TNR: variants seen among roughly 807,000 people sequenced by gnomAD.
TNR encodes the protein tenascin R.
Under a neutral mutation model 150.4 loss-of-function variants are expected in TNR, and 45 were observed. The ratio of observed to expected loss-of-function variants is 0.30; its 90% CI spans 0.24 to 0.38. The LOEUF (loss-of-function observed/expected upper bound fraction) is 0.38, where lower values mean the gene tolerates loss of function less well. Among genes scored for constraint, TNR ranks in the 10% least tolerant of loss-of-function variants. TNR has a pLI of 1.00. For missense variants in TNR, 1,544 were observed against 1,759.1 expected (o/e 0.88, Z 2.19); for synonymous variants, 687 against 678.4 (o/e 1.01, Z -0.20).
intron 1 of TNR, among the ~76,000 whole-genome samples, chr1:175,635,202 A>G (rs755631727): frequency 6.6e-6 from 1 of 152,262 alleles, no homozygotes; most frequent in African/African-American, 2.4e-5. Flanking sequence ...GCCAGCTCTG[A>G]CTTAGAAGCT....
intron 1 of TNR, among the ~76,000 whole-genome samples, chr1:175,639,029 T>C (rs1354648313): frequency 6.6e-6 from 1 of 152,188 alleles, no homozygotes; most frequent in Non-Finnish European, 1.5e-5. Flanking sequence ...ATCTTCAGAA[T>C]ATATTCAAGA....
At chr1:175,530,966 A>G (rs922742641) in intron 1 of TNR, among the ~76,000 whole-genome samples, 2 of 152,228 alleles carry the variant, frequency 1.3e-5, no homozygotes, top group African/African-American at 4.8e-5. Context: ...CACCAGGAAT[A>G]TGAAGAAGAG....
chr1:175,337,496 T>C (rs1231163561), intron 19 of TNR, 32 bp downstream of exon 19: 2 of 1,611,694 alleles, frequency 1.2e-6, no homozygotes, highest in African/African-American at 2.7e-5. Context: ...CTGAGGACGC[T>C]TCTGTGCAAG....
chr1:175,645,773 C>A (rs1176708312), intron 1 of TNR, among the ~76,000 whole-genome samples: 5 of 152,172 alleles, frequency 3.3e-5, no homozygotes, highest in Non-Finnish European at 7.3e-5. Flanking sequence ...TTGTCATATA[C>A]CTTGATCTAA....
At position 175,403,346 on chromosome 1, in the gene TNR, G is replaced by A; in HGVS notation, c.770C>T (p.Thr257Ile). ...CCTCAGTTCCCTGCAGTCCTCGCCAGTGTAGGGCTCTTCACAGACACACTC... is the reference window on the plus strand; with the variant it reads ...CCTCAGTTCCCTGCAGTCCTCGCCAATGTAGGGCTCTTCACAGACACACTC... ...DGECVCEEPY[T>I]GEDCRELRCP... The change falls in exon 4 of 23, where the codon ACT becomes ATT. Residue 257 changes from threonine (T) to isoleucine (I), a missense_variant. This residue lies in a region of TNR where 1,254 missense variants were observed against 1,329.4 expected (regional missense o/e 0.94). Transcript: ENST00000367674. 1.2e-6 allele frequency: 2 copies of A among 1,614,164 alleles called. No individual in the cohort carries two copies. Among genetic ancestry groups the A allele is most frequent in the Non-Finnish European group, 1.7e-6 (2 of 1,180,022 alleles).
At chr1:175,425,529 T>A (rs1654931896) in intron 2 of TNR, among the ~76,000 whole-genome samples, 1 of 152,182 alleles carries the variant, frequency 6.6e-6, no homozygotes, top group South Asian at 2.1e-4. Flanking sequence ...GATATGACTC[T>A]CCTGGGTAAT....
chr1:175,679,707 G>T (rs1665972662), intron 1 of TNR, among the ~76,000 whole-genome samples: 1 of 152,168 alleles, frequency 6.6e-6, no homozygotes, highest in Admixed American at 6.5e-5. Flanking sequence ...CCATGAGAAG[G>T]CCACAGGGGA....
chr1:175,600,688 C>A (rs749616036), intron 1 of TNR, among the ~76,000 whole-genome samples: 12 of 152,228 alleles, frequency 7.9e-5, no homozygotes, highest in Non-Finnish European at 1.5e-4. Flanking sequence ...AAGCTATGCT[C>A]CCTGGCGTAG....
In TNR at chr1:175,370,338, C is replaced by CTTTTTTTTTTTTTTTTTTTTTTTTTT. The variant is rs55795922; in HGVS notation, c.1964-3067_1964-3042dup. ...GAGAACTATTCCTGGATTTTGAGTA[C>CTTTTTTTTTTTTTTTTTTTTTTTTTT]TTTTTTTTTTTTTTTTTTTTTTTTT... On this transcript the variant is annotated intron_variant, in intron 9 of 22. Transcript: ENST00000367674. 5.4e-4 allele frequency among the ~76,000 whole-genome samples: 23 copies of CTTTTTTTTTTTTTTTTTTTTTTTTTT among 42,976 alleles called. 1 individual carries two copies. The highest frequency in any genetic ancestry group is 1.5e-3 in the African/African-American group (18 of 11,804). The allele number at this position is 42,976 out of a possible 152,430, so 28.2% of individuals were successfully genotyped here. A position where few individuals can be genotyped will look rare whatever the true frequency, so the allele number is the denominator to read the frequency against.
chr1:175,701,068 C>A (rs1269881338), intron 1 of TNR, among the ~76,000 whole-genome samples: 1 of 152,228 alleles, frequency 6.6e-6, no homozygotes, highest in Non-Finnish European at 1.5e-5. Context: ...CTTAGCATAT[C>A]ATTTTTGTGC....
chr1:175,330,628 C>G (rs1649694021), intron 20 of TNR: 1 of 158,232 alleles, frequency 6.3e-6, no homozygotes, highest in East Asian at 1.8e-4. Context: ...TGATCGAAAG[C>G]AAGAGGTGAA....
chr1:175,441,155 C>T (rs1483008996), intron 2 of TNR, among the ~76,000 whole-genome samples: 1 of 152,142 alleles, frequency 6.6e-6, no homozygotes, highest in African/African-American at 2.4e-5. Flanking sequence ...TGATGCCTGG[C>T]ACATGGTTGG....
Position 175,339,157 on chromosome 1 carries a change from C to T in TNR, c.3383-1478G>A, listed in dbSNP as rs747240554. Among the ~76,000 whole-genome samples, 3 of 152,292 alleles carry T rather than the reference C, an allele frequency of 2.0e-5. 1 individual carries two copies. In the South Asian group the frequency reaches 6.2e-4, roughly 32 times the overall value. On this transcript the variant is annotated intron_variant, in intron 18 of 22. Transcript: ENST00000367674. The stretch of plus-strand genomic sequence containing the variant: ...AACTGCACTCAGAAAGATTACATGA[C>T]TCAGATTGCTGGAACTCATATTTTC...
chr1:175,406,564 T>C lies in TNR; in HGVS notation c.151A>G (p.Ile51Val). ...QRQSVEEEGG[I>V]ANYNTSSKEQ... ...TTGCTGGATGTGTTGTAGTTGGCAA[T>C]GCCTCCCTCCTCCTCCACTGACTGT... Residue 51 changes from isoleucine to valine, a missense_variant, in exon 3 of 23, where the codon ATT becomes GTT. Around this residue, in one of 2 missense-constraint regions of TNR, gnomAD observed 1,254 missense variants for 1,329.4 expected, o/e 0.94. Coordinates refer to ENST00000367674, the MANE Select transcript of TNR (RefSeq NM_003285.3). 1.2e-6 allele frequency: 2 copies of C among 1,614,200 alleles called. No homozygotes were observed. Among genetic ancestry groups the C allele is most frequent in the Non-Finnish European group, 1.7e-6 (2 of 1,180,024 alleles).
Position 175,403,217 on chromosome 1 carries a change from G to A in TNR, c.899C>T (p.Ala300Val). The change falls in exon 4 of 23, where the codon GCC becomes GTC. Residue 300 changes from alanine to valine, a missense_variant. Physicochemically the swap from Ala to Val is moderately conservative, Grantham distance 64. Coordinates refer to ENST00000367674, the MANE Select transcript of TNR (RefSeq NM_003285.3). ...EDCGQRQCLN[A>V]CSGRGQCEEG... is the part of the protein sequence containing the mutation. ...CTCACATTGTCCTCGCCCACTGCAG[G>A]CATTCAGACACTGCCGCTGGCCGCA... is the stretch of plus-strand genomic sequence containing the variant. 6.2e-7 allele frequency: 1 copy of A among 1,614,038 alleles called. No homozygotes were observed. Among genetic ancestry groups the A allele is most frequent in the Non-Finnish European group, 8.5e-7 (1 of 1,180,010 alleles).
At position 175,379,591 on chromosome 1, in the gene TNR, G is replaced by A; in HGVS notation, c.1924C>T (p.Pro642Ser). The stretch of plus-strand genomic sequence containing the variant: ...CTGGTGGTTGGACCAATGCCCCTGG[G>A]GACCAGTACCTCATGATATTGCTCA... ...AGEQYHEVLVPRGIGPTTRAT... is the reference protein window; with the variant it reads ...AGEQYHEVLVSRGIGPTTRAT... Residue 642 changes from proline (P) to serine (S), a missense_variant, in exon 9 of 23, where the codon CCC becomes TCC. Physicochemically the swap from Pro to Ser is moderately conservative, Grantham distance 74 (BLOSUM62 -1). Transcript: ENST00000367674. The A allele has an allele frequency of 6.2e-7, 1 of 1,613,878 alleles. No individual in the cohort carries two copies. Among genetic ancestry groups the A allele is most frequent in the Non-Finnish European group, 8.5e-7 (1 of 1,179,988 alleles).
intron 20 of TNR, among the ~76,000 whole-genome samples, chr1:175,331,041 C>CTTTCTTTCT (rs1557867462): frequency 2.2e-4 from 17 of 75,916 alleles, no homozygotes; most frequent in African/African-American, 7.3e-4. Context: ...TTCTTTCTTT[C>CTTTCTTTCT]TTTCTTTCTT....
chr1:175,491,024 G>A (rs1437938938), intron 2 of TNR, among the ~76,000 whole-genome samples: 2 of 152,204 alleles, frequency 1.3e-5, no homozygotes, highest in Non-Finnish European at 2.9e-5. Context: ...ATATACCGTG[G>A]AATAATATGT....
intron 1 of TNR, among the ~76,000 whole-genome samples, chr1:175,639,417 G>A (rs1483674551): frequency 6.6e-6 from 1 of 152,162 alleles, no homozygotes; most frequent in African/African-American, 2.4e-5. Context: ...TACCCCTAAG[G>A]AAAATCCACC....
Sources: gnomAD v4.1 joint callset for allele counts (sites outside exome capture counted in the v4.1 genomes callset) on GRCh38, gnomAD v4.1.1 for gene constraint, gnomAD v4.1.1 regional missense constraint, MANE v1.5 for transcripts, NCBI Gene and HGNC (gene_info 2026-07-23, HGNC 2026-07-21) for gene names.